The following ADAM28 variants were observed in gnomAD, a reference collection of about 807,000 sequenced individuals.
ADAM28 encodes ADAM metallopeptidase domain 28.
Under a neutral mutation model 101.2 loss-of-function variants are expected in ADAM28, and 105 were observed. The ratio of observed to expected loss-of-function variants is 1.04; its 90% CI spans 0.89 to 1.22. The LOEUF (loss-of-function observed/expected upper bound fraction) is 1.22. Among genes scored for constraint, ADAM28 ranks in the 50% most tolerant of loss-of-function variants. The probability of loss-of-function intolerance (pLI) is 0.00; values close to 1 mark genes in which losing one functional copy is unlikely to be tolerated. For missense variants in ADAM28, 1,028 were observed against 945.4 expected (o/e 1.09, Z -1.15); for synonymous variants, 322 against 310.6 (o/e 1.04, Z -0.39).
chr8:24,309,977 A>C lies in ADAM28; in HGVS notation c.227+7A>C. 6.4e-7 allele frequency: 1 copy of C among 1,551,994 alleles called. No homozygotes were observed. The highest frequency in any genetic ancestry group is 8.9e-7 in the Non-Finnish European group (1 of 1,125,134). On this transcript the variant is annotated splice_region_variant and intron_variant, in intron 3 of 22. Coordinates refer to ENST00000265769, the MANE Select transcript of ADAM28 (RefSeq NM_014265.6). ...TTTATTTGAAAAAAAACAAGTAAGT[A>C]TCTTTACCTGTGATATTATCCTCAG...
At position 24,339,466 on chromosome 8, in the gene ADAM28, G is replaced by C. The variant is rs1252764391; in HGVS notation, c.1568G>C (p.Gly523Ala). ...QEQCTELWGP[G>A]TEVADKSCYN... The stretch of plus-strand genomic sequence containing the variant: ...CCCTGCTGACTGATCCTGGTCCCAG[G>C]AACTGAGGTTGCAGATAAGTCATGT... The change falls in exon 15 of 23, where the codon GGA becomes GCA. Residue 523 changes from glycine (G) to alanine (A), a missense_variant and splice_region_variant. Gly to Ala is a moderately conservative substitution (Grantham distance 60). Transcript: ENST00000265769. The C allele has an allele frequency of 3.7e-6, 6 of 1,611,710 alleles. No individual in the cohort carries two copies. The highest frequency in any genetic ancestry group is 5.1e-6 in the Non-Finnish European group (6 of 1,178,634).
At chr8:24,336,110 A>G (rs1294668613) in intron 14 of ADAM28, 1 of 986,502 alleles carries the variant, frequency 1.0e-6, no homozygotes, top group African/African-American at 1.7e-5. Flanking sequence ...GAAAAGATGG[A>G]AAAAAGAAAA....
At chr8:24,322,537 C>A (rs1039006150) in intron 8 of ADAM28, 1 of 152,032 alleles carries the variant, frequency 6.6e-6, no homozygotes, top group Non-Finnish European at 1.5e-5. Flanking sequence ...TTAAGGACTG[C>A]TTGAGCTTAG....
In ADAM28 at chr8:24,320,258, A is replaced by AG. The variant is rs1208588172; in HGVS notation, c.601dup (p.Glu201GlyfsTer3). On this transcript the variant is annotated frameshift_variant, in exon 7 of 23. Coordinates refer to ENST00000265769, the MANE Select transcript of ADAM28 (RefSeq NM_014265.6). LOFTEE classifies it high-confidence loss of function. ...CAGAAATTGAAAGACAGGAAGGTTC[A>AG]GGAACATGAGAAATACATAGAATAT... is the stretch of plus-strand genomic sequence containing the variant. 33 of 1,600,884 alleles carry AG rather than the reference A, an allele frequency of 2.1e-5. No individual in the cohort carries two copies. The highest frequency in any genetic ancestry group is 2.7e-5 in the Non-Finnish European group (32 of 1,169,976).
intron 2 of ADAM28, among the ~76,000 whole-genome samples, chr8:24,306,629 G>A (rs976203302): frequency 1.3e-5 from 2 of 151,804 alleles, no homozygotes; most frequent in African/African-American, 4.8e-5. Flanking sequence ...TATTTCATTA[G>A]TATGTCACCA....
intron 2 of ADAM28, among the ~76,000 whole-genome samples, chr8:24,304,136 G>A (rs1272358367): frequency 6.6e-6 from 1 of 151,172 alleles, no homozygotes; most frequent in East Asian, 1.9e-4. Flanking sequence ...CAGCTGTGAA[G>A]TGATTTCCTC....
At chr8:24,310,973 A>G (rs187726849) in intron 4 of ADAM28, among the ~76,000 whole-genome samples, 271 of 152,314 alleles carry the variant, frequency 1.8e-3, no homozygotes, top group Non-Finnish European at 2.6e-3. Flanking sequence ...TAAATAACCT[A>G]TCCTTTGGAA....
At chr8:24,322,525 C>T (rs927465303) in intron 8 of ADAM28, 1 of 151,960 alleles carries the variant, frequency 6.6e-6, no homozygotes, top group African/African-American at 2.4e-5. Flanking sequence ...TGCTGGAACG[C>T]GTTAAGGACT....
chr8:24,305,302 C>A (rs1388240201), intron 2 of ADAM28, among the ~76,000 whole-genome samples: 1 of 151,892 alleles, frequency 6.6e-6, no homozygotes, highest in Non-Finnish European at 1.5e-5. Flanking sequence ...AGTTTAGCTA[C>A]TGATTTTAAA....
Position 24,323,988 on chromosome 8 carries a change from T to C in ADAM28, c.875T>C (p.Ile292Thr). The change falls in exon 9 of 23, where the codon ATT becomes ACT. Residue 292 changes from isoleucine to threonine, a missense_variant. Physicochemically the swap from Ile to Thr is moderately conservative, Grantham distance 89 (BLOSUM62 -1). Transcript: ENST00000265769. Reference sequence around the variant, plus strand: ...CTCTCAAGAAGAAAGCGTCATGATATTGCTCAGTTAATCACGTATGTACAG... The same window carrying C: ...CTCTCAAGAAGAAAGCGTCATGATACTGCTCAGTTAATCACGTATGTACAG... ...SVLSRRKRHD[I>T]AQLITATELA... The C allele has an allele frequency of 6.2e-7, 1 of 1,611,828 alleles. No homozygotes were observed.
chr8:24,341,523 A>C, intron 15 of ADAM28, 75 bp from the exon 16 acceptor site: 3 of 1,439,588 alleles, frequency 2.1e-6, no homozygotes, highest in Non-Finnish European at 2.9e-6. Flanking sequence ...ACCATCAGTT[A>C]AATATCCATA....
Position 24,356,366 on chromosome 8 carries a change from T to C in ADAM28, c.*1962T>C, listed in dbSNP as rs1431628843. ...GGAATGGAAATCTTAAATCTATGAA[T>C]CCTCAACTAGCCATGTACCATAACC... On this transcript the variant is annotated 3_prime_UTR_variant, in exon 23 of 23. Coordinates refer to ENST00000265769, the MANE Select transcript of ADAM28 (RefSeq NM_014265.6). 6.6e-6 allele frequency: 1 copy of C among 152,118 alleles called. No individual in the cohort carries two copies. Among genetic ancestry groups the C allele is most frequent in the Non-Finnish European group, 1.5e-5 (1 of 68,016 alleles). 9.4% of individuals were successfully genotyped at this position (152,118 alleles called of 1,614,324 possible).
chr8:24,327,021 A>ACAT (rs1278869064), intron 10 of ADAM28, among the ~76,000 whole-genome samples: 1 of 152,130 alleles, frequency 6.6e-6, no homozygotes, highest in East Asian at 1.9e-4. Context: ...CTCCTATTTA[A>ACAT]CATAGTATTG....
chr8:24,331,362 G>T (rs752818773), intron 12 of ADAM28, 35 bp downstream of exon 12: 5 of 1,555,536 alleles, frequency 3.2e-6, no homozygotes, highest in Non-Finnish European at 4.3e-6. Context: ...GATCTAGTTG[G>T]TTTTTCAGTT....
chr8:24,294,289 T>TTTTC, intron 1 of ADAM28, 94 bp downstream of exon 1: 2 of 1,424,464 alleles, frequency 1.4e-6, no homozygotes, highest in Non-Finnish European at 2.0e-6. Context: ...ATTTTGACTT[T>TTTTC]TTTCTTTTTC....
chr8:24,335,521 G>T lies in ADAM28; in HGVS notation c.1447G>T (p.Gly483Cys). ...DLPEMCNGKS[G>C]NCPDDRFQVN... ...GCCTGAAATGTGTAATGGTAAATCT[G>T]GTAATTGTCCTGATGATAGATTCCA... The change falls in exon 14 of 23, where the codon GGT becomes TGT. Residue 483 changes from glycine to cysteine, a missense_variant. Coordinates refer to ENST00000265769, the MANE Select transcript of ADAM28 (RefSeq NM_014265.6). 1 of 1,614,140 alleles carries T rather than the reference G, an allele frequency of 6.2e-7. No individual in the cohort carries two copies. The highest frequency in any genetic ancestry group is 1.6e-4 in the Middle Eastern group (1 of 6,062).
Position 24,320,242 on chromosome 8 carries a change from A to G in ADAM28, c.583A>G (p.Lys195Glu). Residue 195 changes from lysine (K) to glutamate (E), a missense_variant, in exon 7 of 23, where the codon AAA (lysine) becomes GAA (glutamate). Physicochemically the swap from Lys to Glu is moderately conservative, Grantham distance 56. Transcript: ENST00000265769. ...TCTACTCTTTATATTTCAGAAATTG[A>G]AAGACAGGAAGGTTCAGGAACATGA... ...ALPATKLVKL[K>E]DRKVQEHEKY... 6.3e-7 allele frequency: 1 copy of G among 1,593,064 alleles called. No individual in the cohort carries two copies. The highest frequency in any genetic ancestry group is 8.6e-7 in the Non-Finnish European group (1 of 1,164,658).
At position 24,352,015 on chromosome 8, in the gene ADAM28, A is replaced by T. The variant is rs1377050502; in HGVS notation, c.2207A>T (p.Asp736Val). The change falls in exon 21 of 23, where the codon GAT (aspartate) becomes GTT (valine). Residue 736 changes from aspartate to valine, a missense_variant. Transcript: ENST00000265769. ...AGTCAGATGAAGCCCCATGTGTATG[A>T]TCTGCCAGTAGAAGGCAATGAGCCC... Reference protein sequence around the residue: ...EMSQMKPHVYDLPVEGNEPPA... With the variant: ...EMSQMKPHVYVLPVEGNEPPA... The T allele has an allele frequency of 1.9e-6, 3 of 1,613,654 alleles. No individual in the cohort carries two copies. The highest frequency in any genetic ancestry group is 3.3e-5 in the Admixed American group (2 of 59,976).
At chr8:24,347,179 A>G (rs901929934) in intron 18 of ADAM28, 3 of 152,080 alleles carry the variant, frequency 2.0e-5, no homozygotes, top group African/African-American at 7.2e-5. Flanking sequence ...ATTTATTAAA[A>G]TGTTTTCCCC....
Sources: allele counts gnomAD v4.1 joint callset (sites outside exome capture counted in the v4.1 genomes callset), GRCh38; gene constraint gnomAD v4.1.1; transcripts MANE v1.5; gene names NCBI Gene and HGNC (gene_info 2026-07-23, HGNC 2026-07-21).